The following ILRUN variants were observed in gnomAD, a reference collection of about 807,000 sequenced individuals.
ILRUN encodes the protein protein ILRUN.
ILRUN carries 3 observed loss-of-function variants against 33.8 expected under a neutral mutation model. That is an observed-to-expected ratio of 0.09 (90% CI 0.04 to 0.23). The LOEUF (loss-of-function observed/expected upper bound fraction) is 0.23, where lower values mean the gene tolerates loss of function less well. ILRUN is among the 10% of genes least tolerant of loss of function. ILRUN has a pLI of 1.00. For synonymous variants in ILRUN, 124 were observed against 138.9 expected (o/e 0.89, Z 0.75); for missense variants, 210 against 375.1 (o/e 0.56, Z 3.64).
chr6:34,620,275 G>A (rs997216907), intron 3 of ILRUN, among the ~76,000 whole-genome samples: 1 of 152,222 alleles, frequency 6.6e-6, no homozygotes, highest in South Asian at 2.1e-4. Flanking sequence ...CGTAAAAATG[G>A]AGATAAGGAA....
chr6:34,618,781 C>A (rs191198275), intron 3 of ILRUN, among the ~76,000 whole-genome samples: 159 of 152,308 alleles, frequency 1.0e-3, no homozygotes, highest in Non-Finnish European at 1.9e-3. Flanking sequence ...CTGCCCTCCT[C>A]TGAAATGGGC....
chr6:34,681,602 A>T (rs938615676), intron 1 of ILRUN, among the ~76,000 whole-genome samples: 13 of 152,260 alleles, frequency 8.5e-5, no homozygotes, highest in African/African-American at 2.9e-4. Context: ...GTCTCATTTT[A>T]AAAATAAAAA....
chr6:34,696,679 A>T lies in ILRUN; in HGVS notation c.-76T>A, dbSNP rs1418213275. ...CGCGCCGCCGGGCCCGGGGACCTGG[A>T]GGGGGGCCGCTGCTAGCTAGCTTCG... On this transcript the variant is annotated 5_prime_UTR_variant, in exon 1 of 5. Coordinates refer to ENST00000374023, the MANE Select transcript of ILRUN (RefSeq NM_024294.4). 1 of 1,513,514 alleles carries T rather than the reference A, an allele frequency of 6.6e-7. No individual in the cohort carries two copies. Among genetic ancestry groups the T allele is most frequent in the African/African-American group, 1.4e-5 (1 of 71,952 alleles). The allele number at this position is 1,513,514 out of a possible 1,614,324, so 93.8% of individuals were successfully genotyped here.
chr6:34,651,749 TTATA>T (rs202130755), intron 2 of ILRUN, among the ~76,000 whole-genome samples: 1 of 139,724 alleles, frequency 7.2e-6, no homozygotes. Context: ...AAAAAAAAAA[TTATA>T]TATATATATA....
chr6:34,637,842 G>GC lies in ILRUN; in HGVS notation c.511+8758_511+8759insG, dbSNP rs1491007720. On this transcript the variant is annotated intron_variant, in intron 3 of 4. Transcript: ENST00000374023. ...ACAGTCATTTCACATTGCTGTTGTT[G>GC]TTGCTGCTGCTGCTGCTGCTGCTGT... 1.7e-3 allele frequency among the ~76,000 whole-genome samples: 246 copies of GC among 143,260 alleles called. 2 individuals are homozygous for GC. Among genetic ancestry groups the GC allele is most frequent in the African/African-American group, 4.8e-3 (185 of 38,400 alleles). The allele number at this position is 143,260 out of a possible 152,430, so 94.0% of individuals were successfully genotyped here.
intron 3 of ILRUN, among the ~76,000 whole-genome samples, chr6:34,634,375 CAT>C (rs1762311603): frequency 1.3e-5 from 2 of 152,020 alleles, no homozygotes; most frequent in Admixed American, 1.3e-4. Flanking sequence ...GTACTAAACA[CAT>C]ATTATAAATG....
intron 3 of ILRUN, among the ~76,000 whole-genome samples, chr6:34,645,515 C>T (rs1488048402): frequency 2.0e-5 from 3 of 152,042 alleles, no homozygotes; most frequent in East Asian, 3.9e-4. Flanking sequence ...GCTGGGACAA[C>T]AGGCTCACCC....
At chr6:34,681,916 G>A (rs1307915637) in intron 1 of ILRUN, among the ~76,000 whole-genome samples, 7 of 138,016 alleles carry the variant, frequency 5.1e-5, no homozygotes, top group Admixed American at 4.7e-4. Flanking sequence ...GCAGTGCTGC[G>A]ACCTCAGCTC....
At chr6:34,621,932 C>T (rs1762021318) in intron 3 of ILRUN, among the ~76,000 whole-genome samples, 1 of 151,986 alleles carries the variant, frequency 6.6e-6, no homozygotes, top group Non-Finnish European at 1.5e-5. Flanking sequence ...AGAAACTGCC[C>T]AGAAACAAAC....
intron 4 of ILRUN, among the ~76,000 whole-genome samples, chr6:34,597,246 G>A (rs1453731577): frequency 5.3e-5 from 8 of 152,210 alleles, no homozygotes; most frequent in African/African-American, 1.9e-4. Flanking sequence ...TCAGAAAAAA[G>A]CTATTTGTTA....
At chr6:34,684,163 T>C (rs532069108) in intron 1 of ILRUN, among the ~76,000 whole-genome samples, 66 of 152,188 alleles carry the variant, frequency 4.3e-4, no homozygotes, top group South Asian at 1.2e-3. Context: ...AATCTAACAC[T>C]GGACCCCCAT....
intron 1 of ILRUN, among the ~76,000 whole-genome samples, chr6:34,661,082 T>G (rs940701885): frequency 8.5e-5 from 13 of 152,230 alleles, no homozygotes; most frequent in African/African-American, 3.1e-4. Flanking sequence ...ATCCATTAAT[T>G]TTATTACTTT....
intron 1 of ILRUN, among the ~76,000 whole-genome samples, chr6:34,673,290 A>G (rs1763154093): frequency 6.6e-6 from 1 of 152,212 alleles, no homozygotes; most frequent in Admixed American, 6.5e-5. Context: ...GCAGACCTAG[A>G]GCTCACCCAG....
intron 3 of ILRUN, among the ~76,000 whole-genome samples, chr6:34,634,028 G>C (rs1296548045): frequency 6.6e-6 from 1 of 151,998 alleles, no homozygotes; most frequent in African/African-American, 2.4e-5. Context: ...GGGAGGCAGA[G>C]GCAAAAAGAT....
At chr6:34,692,175 G>A (rs1304122710) in intron 1 of ILRUN, among the ~76,000 whole-genome samples, 1 of 152,052 alleles carries the variant, frequency 6.6e-6, no homozygotes, top group Non-Finnish European at 1.5e-5. Context: ...TCTTGCCTAT[G>A]CTGGTCTCAA....
chr6:34,691,764 C>T (rs1454756622), intron 1 of ILRUN, among the ~76,000 whole-genome samples: 1 of 151,762 alleles, frequency 6.6e-6, no homozygotes, highest in East Asian at 1.9e-4. Flanking sequence ...CCACTGCACT[C>T]CGGCCTGGGC....
rs541989812 is a variant in ILRUN, at chr6:34,679,055, G to A, written c.158+17391C>T. Among the ~76,000 whole-genome samples, 3 of 151,382 alleles carry A rather than the reference G, an allele frequency of 2.0e-5. No individual in the cohort carries two copies. In the East Asian group the frequency reaches 5.8e-4, roughly 29 times the overall value. ...TGTCAGGTACTATGCTTATTACCTTGGCGACAATCTGTATACCAAACCCCA... is the reference window on the plus strand; with the variant it reads ...TGTCAGGTACTATGCTTATTACCTTAGCGACAATCTGTATACCAAACCCCA... On this transcript the variant is annotated intron_variant, in intron 1 of 4. Coordinates refer to ENST00000374023, the MANE Select transcript of ILRUN (RefSeq NM_024294.4).
At chr6:34,619,414 G>A (rs1761964666) in intron 3 of ILRUN, among the ~76,000 whole-genome samples, 1 of 152,014 alleles carries the variant, frequency 6.6e-6, no homozygotes, top group Non-Finnish European at 1.5e-5. Flanking sequence ...GAAGTGCAGT[G>A]GCATAATCAT....
At chr6:34,668,286 A>T (rs1763044885) in intron 1 of ILRUN, among the ~76,000 whole-genome samples, 1 of 152,234 alleles carries the variant, frequency 6.6e-6, no homozygotes, top group African/African-American at 2.4e-5. Flanking sequence ...AGATAAATTT[A>T]AAAATATGTC....
Sources: gnomAD v4.1 joint callset for allele counts (sites outside exome capture counted in the v4.1 genomes callset) on GRCh38, gnomAD v4.1.1 for gene constraint, MANE v1.5 for transcripts, NCBI Gene and HGNC (gene_info 2026-07-23, HGNC 2026-07-21) for gene names.